MYO16: variants seen among roughly 807,000 people sequenced by gnomAD.
MYO16 encodes myosin XVI.
MYO16 carries 94 observed loss-of-function variants against 205.3 expected under a neutral mutation model. That is an observed-to-expected ratio of 0.46 (90% confidence interval 0.39 to 0.54). MYO16 has a LOEUF of 0.54. Ranked by LOEUF, MYO16 falls within the 20% of genes least tolerant of loss-of-function variation. The probability of loss-of-function intolerance (pLI) is 0.00; values close to 1 mark genes in which losing one functional copy is unlikely to be tolerated. For synonymous variants in MYO16, 988 were observed against 954.0 expected (o/e 1.04, Z -0.66); for missense variants, 2,315 against 2,387.5 (o/e 0.97, Z 0.63).
chr13:109,181,414 T>C (rs916276577), intron 34 of MYO16, among the ~76,000 whole-genome samples: 3 of 152,250 alleles, frequency 2.0e-5, no homozygotes, highest in Non-Finnish European at 4.4e-5. Context: ...ATACAAGAAG[T>C]ATGGACACAT....
At position 109,159,084 on chromosome 13, in the gene MYO16, C is replaced by G. The variant is rs188123336; in HGVS notation, c.5165-5817C>G. On this transcript the variant is annotated intron_variant, in intron 32 of 34. Transcript: ENST00000457511. The stretch of plus-strand genomic sequence containing the variant: ...CAATTTTAAAAAACTATGTATGGAC[C>G]TTGTGTCTTTGAATTCTCAAACCAT... 1.2e-3 allele frequency among the ~76,000 whole-genome samples: 183 copies of G among 152,278 alleles called. 1 individual carries two copies. The highest frequency in any genetic ancestry group is 3.9e-3 in the African/African-American group (163 of 41,554).
chr13:108,615,537 G>A (rs1594145307), intron 1 of MYO16, among the ~76,000 whole-genome samples: 1 of 152,158 alleles, frequency 6.6e-6, no homozygotes, highest in South Asian at 2.1e-4. Flanking sequence ...TAGCAAAAGA[G>A]CTAGAAACAA....
At chr13:108,727,737 A>C (rs546497095) in intron 4 of MYO16, among the ~76,000 whole-genome samples, 154 bp downstream of exon 4, 1 of 152,312 alleles carries the variant, frequency 6.6e-6, no homozygotes, top group Non-Finnish European at 1.5e-5. Context: ...ATAATTAGAG[A>C]CTAAGGTTGT....
At chr13:109,054,426 T>C in intron 25 of MYO16, 1 of 228,392 alleles carries the variant, frequency 4.4e-6, no homozygotes, top group Non-Finnish European at 9.1e-6. Flanking sequence ...TGTAGTTAAA[T>C]TTAAGGGAAC....
At chr13:109,064,431 A>G (rs530610650) in intron 27 of MYO16, among the ~76,000 whole-genome samples, 1 of 152,330 alleles carries the variant, frequency 6.6e-6, no homozygotes, top group East Asian at 1.9e-4. Flanking sequence ...TCTTCAGTTT[A>G]TCAGATCTTT....
chr13:108,859,379 A>G (rs1418736487), intron 11 of MYO16, among the ~76,000 whole-genome samples: 1 of 152,212 alleles, frequency 6.6e-6, no homozygotes, highest in African/African-American at 2.4e-5. Context: ...CATCCATACC[A>G]AATAACTGAG....
At chr13:108,569,762 A>G in the MYO16 span, among the ~76,000 whole-genome samples, 1 of 152,196 alleles carries the variant, frequency 6.6e-6, no homozygotes, top group African/African-American at 2.4e-5. Context: ...ACTATTAAGT[A>G]GTATATTAGC....
At chr13:108,547,637 G>A in the MYO16 span, among the ~76,000 whole-genome samples, 1 of 152,314 alleles carries the variant, frequency 6.6e-6, no homozygotes, top group East Asian at 1.9e-4. Context: ...TACTATGGCA[G>A]TTATAAAGAA....
At chr13:108,886,185 C>T (rs1190509607) in intron 13 of MYO16, among the ~76,000 whole-genome samples, 2 of 152,110 alleles carry the variant, frequency 1.3e-5, no homozygotes, top group African/African-American at 2.4e-5. Flanking sequence ...GACGAGGTTT[C>T]ACCGTGTTAG....
At chr13:108,544,572 A>T in the MYO16 span, among the ~76,000 whole-genome samples, 1 of 152,232 alleles carries the variant, frequency 6.6e-6, no homozygotes, top group African/African-American at 2.4e-5. Context: ...TTACATAGTT[A>T]TAAAAGGTTA....
At chr13:108,564,361 C>T in the MYO16 span, among the ~76,000 whole-genome samples, 8 of 151,860 alleles carry the variant, frequency 5.3e-5, no homozygotes, top group South Asian at 4.2e-4. Flanking sequence ...AGTAGAGACG[C>T]GGTTTCGCCA....
intron 1 of MYO16, among the ~76,000 whole-genome samples, chr13:108,656,324 C>T (rs190069511): frequency 6.6e-6 from 1 of 152,296 alleles, no homozygotes; most frequent in East Asian, 1.9e-4. Context: ...CTCGCCACTG[C>T]CATGTTAAGA....
At chr13:108,554,848 T>TAAA in the MYO16 span, among the ~76,000 whole-genome samples, 203 of 77,740 alleles carry the variant, frequency 2.6e-3, no homozygotes, top group Middle Eastern at 8.6e-3. Context: ...AGACTCTGAC[T>TAAA]AAAAAAAAAA....
At chr13:108,620,899 T>G (rs1879516467) in intron 1 of MYO16, among the ~76,000 whole-genome samples, 1 of 152,192 alleles carries the variant, frequency 6.6e-6, no homozygotes, top group Non-Finnish European at 1.5e-5. Flanking sequence ...TCTATATGAC[T>G]CATGAGAAGG....
chr13:109,195,297 C>CA (rs1359694781), intron 34 of MYO16, among the ~76,000 whole-genome samples: 13 of 151,954 alleles, frequency 8.6e-5, no homozygotes, highest in Non-Finnish European at 1.3e-4. Context: ...AACAAAGAAA[C>CA]AAAATCCCAA....
chr13:108,918,984 C>T (rs1881623180), intron 16 of MYO16, among the ~76,000 whole-genome samples: 1 of 2,302 alleles, frequency 4.3e-4, no homozygotes, highest in Non-Finnish European at 8.2e-3. Flanking sequence ...TACACTCAAA[C>T]TTATACTCTG....
intron 1 of MYO16, among the ~76,000 whole-genome samples, chr13:108,658,811 G>C (rs1293320887): frequency 6.6e-6 from 1 of 152,126 alleles, no homozygotes; most frequent in African/African-American, 2.4e-5. Context: ...TGGCCTAAGA[G>C]ACAGTTAATA....
intron 14 of MYO16, among the ~76,000 whole-genome samples, chr13:108,896,017 T>C (rs1474155155): frequency 6.6e-6 from 1 of 152,172 alleles, no homozygotes; most frequent in Non-Finnish European, 1.5e-5. Context: ...CGTTACATAA[T>C]TTCTCATTAG....
chr13:108,944,366 A>G (rs1459614296), intron 16 of MYO16, among the ~76,000 whole-genome samples: 1 of 152,214 alleles, frequency 6.6e-6, no homozygotes, highest in East Asian at 1.9e-4. Context: ...GGAAAAGGGA[A>G]AAAGGGAAGG....
Sources: gnomAD v4.1 joint callset for allele counts (sites outside exome capture counted in the v4.1 genomes callset) on GRCh38, gnomAD v4.1.1 for gene constraint, MANE v1.5 for transcripts, NCBI Gene and HGNC (gene_info 2026-07-23, HGNC 2026-07-21) for gene names.